Variants in DNAH6 observed in about 807,000 individuals in gnomAD.
DNAH6 encodes dynein axonemal heavy chain 6.
Under a neutral mutation model 491.4 loss-of-function variants are expected in DNAH6, and 340 were observed. The ratio of observed to expected loss-of-function variants is 0.69; its 90% CI spans 0.63 to 0.76. The LOEUF (loss-of-function observed/expected upper bound fraction) is 0.76. Ranked by LOEUF, DNAH6 falls within the 30% of genes least tolerant of loss-of-function variation. The pLI is 0.00. For missense variants in DNAH6, 4,443 were observed against 4,972.2 expected (o/e 0.89, Z 3.20); for synonymous variants, 1,603 against 1,686.1 (o/e 0.95, Z 1.21).
chr2:84,493,115 G>T, the DNAH6 span, among the ~76,000 whole-genome samples: 2 of 151,938 alleles, frequency 1.3e-5, no homozygotes, highest in South Asian at 4.2e-4. Flanking sequence ...TTTTAAAGGG[G>T]CATGGCTATG....
Position 84,781,670 on chromosome 2 carries a change from G to A in DNAH6, c.10864+17G>A. On this transcript the variant is annotated intron_variant, in intron 65 of 76. Coordinates refer to ENST00000389394, the MANE Select transcript of DNAH6 (RefSeq NM_001370.2). ...CAGATCCAGGTATGTTGAGCATATAGCCCTTGCATAATAATCACATTTTTA... is the reference window on the plus strand; with the variant it reads ...CAGATCCAGGTATGTTGAGCATATAACCCTTGCATAATAATCACATTTTTA... 6.6e-7 allele frequency: 1 copy of A among 1,524,666 alleles called. No homozygotes were observed. The allele number at this position is 1,524,666 out of a possible 1,614,324, so 94.4% of individuals were successfully genotyped here. A position where few individuals can be genotyped will look rare whatever the true frequency, so the allele number is the denominator to read the frequency against.
intron 68 of DNAH6, among the ~76,000 whole-genome samples, chr2:84,794,930 A>G (rs1202246756): frequency 6.6e-6 from 1 of 151,562 alleles, no homozygotes; most frequent in African/African-American, 2.4e-5. Flanking sequence ...AACCAACCCA[A>G]ATGTCCAACA....
intron 12 of DNAH6, among the ~76,000 whole-genome samples, chr2:84,575,713 T>C (rs1048601667): frequency 6.6e-5 from 10 of 152,204 alleles, no homozygotes; most frequent in Admixed American, 2.0e-4. Flanking sequence ...TGAAACCCCG[T>C]CTCTACTAAA....
At chr2:84,760,013 A>G (rs149368953) in intron 63 of DNAH6, among the ~76,000 whole-genome samples, 12 of 152,326 alleles carry the variant, frequency 7.9e-5, no homozygotes, top group Admixed American at 6.5e-4. Context: ...ATAAAGCCAC[A>G]TATTTGCAGC....
intron 29 of DNAH6, among the ~76,000 whole-genome samples, chr2:84,633,197 T>C (rs1232005907): frequency 1.3e-5 from 2 of 152,234 alleles, no homozygotes; most frequent in East Asian, 1.9e-4. Context: ...CTTTCTTTTA[T>C]TATTTTTGAA....
the DNAH6 span, among the ~76,000 whole-genome samples, chr2:84,490,623 ATT>A: frequency 5.3e-5 from 8 of 152,152 alleles, no homozygotes; most frequent in African/African-American, 1.9e-4. Flanking sequence ...GTGCAGTGGC[ATT>A]ATCTCAGCTC....
chr2:84,484,166 T>C, the DNAH6 span, among the ~76,000 whole-genome samples: 1 of 152,156 alleles, frequency 6.6e-6, no homozygotes, highest in Admixed American at 6.6e-5. Context: ...TCAGCGTGTC[T>C]GGGTTGCTGA....
At chr2:84,690,340 A>C (rs1694721245) in intron 45 of DNAH6, among the ~76,000 whole-genome samples, 1 of 152,184 alleles carries the variant, frequency 6.6e-6, no homozygotes, top group Admixed American at 6.5e-5. Flanking sequence ...AAGTGTTATA[A>C]CATAGGTTGT....
intron 60 of DNAH6, 134 bp from the exon 61 acceptor site, chr2:84,727,535 C>CCACA: frequency 3.2e-6 from 2 of 620,340 alleles, no homozygotes; most frequent in Non-Finnish European, 5.8e-6. Flanking sequence ...ACCTATTGGG[C>CCACA]ACATTGAGGA....
At chr2:84,576,431 T>C (rs1682453554) in intron 12 of DNAH6, among the ~76,000 whole-genome samples, 1 of 152,110 alleles carries the variant, frequency 6.6e-6, no homozygotes, top group Non-Finnish European at 1.5e-5. Flanking sequence ...ACAGCACCCC[T>C]TTCTCTTTGG....
chr2:84,730,831 A>G (rs527540291), intron 61 of DNAH6, among the ~76,000 whole-genome samples: 23 of 152,352 alleles, frequency 1.5e-4, no homozygotes, highest in African/African-American at 5.5e-4. Context: ...ATTATTAGAG[A>G]TCAAAATACA....
chr2:84,616,854 T>G (rs1169656919), intron 22 of DNAH6, 32 bp from the exon 23 acceptor site: 2 of 1,248,844 alleles, frequency 1.6e-6, no homozygotes, highest in East Asian at 5.9e-5. Context: ...TTTAACACAG[T>G]TTTACCAATA....
chr2:84,711,341 A>G (rs1697026809), intron 56 of DNAH6, among the ~76,000 whole-genome samples: 1 of 152,210 alleles, frequency 6.6e-6, no homozygotes, highest in Non-Finnish European at 1.5e-5. Flanking sequence ...TTATTTTCCT[A>G]TAAGTAATAA....
At chr2:84,469,590 C>T in the DNAH6 span, among the ~76,000 whole-genome samples, 1 of 152,084 alleles carries the variant, frequency 6.6e-6, no homozygotes, top group Non-Finnish European at 1.5e-5. This position sits in a 1 kb window ranked among gnomAD's most constrained non-coding sequence, Gnocchi z 4.0. Flanking sequence ...GAAGGTGAAG[C>T]ACTTAGGGAG....
chr2:84,818,360 C>T (rs781536941), intron 76 of DNAH6, among the ~76,000 whole-genome samples: 1 of 151,684 alleles, frequency 6.6e-6, no homozygotes, highest in Non-Finnish European at 1.5e-5. Flanking sequence ...GTGGTGCACA[C>T]GCCTGTAGTC....
chr2:84,711,235 C>T (rs1480938823), intron 56 of DNAH6, among the ~76,000 whole-genome samples: 1 of 152,168 alleles, frequency 6.6e-6, no homozygotes, highest in Admixed American at 6.5e-5. Context: ...ATGTGATGAG[C>T]TCAGCCATAT....
intron 64 of DNAH6, among the ~76,000 whole-genome samples, chr2:84,779,332 G>A (rs975667291): frequency 2.0e-5 from 3 of 152,074 alleles, no homozygotes; most frequent in African/African-American, 4.8e-5. Context: ...CCAATGTTGG[G>A]TGCATCTATA....
At chr2:84,626,284 T>G (rs1463904265) in intron 29 of DNAH6, among the ~76,000 whole-genome samples, 1 of 152,198 alleles carries the variant, frequency 6.6e-6, no homozygotes, top group Non-Finnish European at 1.5e-5. Context: ...CAACTTTGTG[T>G]GTCTAATGAA....
intron 34 of DNAH6, 141 bp downstream of exon 34, chr2:84,654,015 T>C: frequency 1.5e-6 from 1 of 684,856 alleles, no homozygotes; most frequent in Non-Finnish European, 2.3e-6. Flanking sequence ...TAAGTCATCC[T>C]TTTGTAATAG....
Sources: allele counts gnomAD v4.1 joint callset (sites outside exome capture counted in the v4.1 genomes callset), GRCh38; gene constraint gnomAD v4.1.1; non-coding constraint Gnocchi (gnomAD v3.1); transcripts MANE v1.5; gene names NCBI Gene and HGNC (gene_info 2026-07-23, HGNC 2026-07-21).